The following ABLIM2 variants were observed in gnomAD, a reference collection of about 807,000 sequenced individuals.
ABLIM2 encodes actin binding LIM protein family member 2.
ABLIM2 carries 53 observed loss-of-function variants against 97.7 expected under a neutral mutation model. The observed-to-expected ratio is 0.54, with a 90% confidence interval of 0.44 to 0.68. The LOEUF (loss-of-function observed/expected upper bound fraction) is 0.68. Among genes scored for constraint, ABLIM2 ranks in the 30% least tolerant of loss-of-function variants. ABLIM2 has a pLI of 0.00. For missense variants in ABLIM2, 835 were observed against 867.2 expected (o/e 0.96, Z 0.47); for synonymous variants, 361 against 345.8 (o/e 1.04, Z -0.49).
intron 20 of ABLIM2, among the ~76,000 whole-genome samples, chr4:7,977,790 C>CAATAAATA (rs10660218): frequency 0.28 from 40,099 of 141,636 alleles, 6,402 homozygotes; most frequent in Non-Finnish European, 0.35. Context: ...GACTCTGTCT[C>CAATAAATA]AATAAATAAA....
In ABLIM2 at chr4:8,071,165, G is replaced by C. The variant is rs1407674984; in HGVS notation, c.675+6463C>G. Among the ~76,000 whole-genome samples, 2 of 106,522 alleles carry C rather than the reference G, an allele frequency of 1.9e-5. No individual in the cohort carries two copies. Among genetic ancestry groups the C allele is most frequent in the Non-Finnish European group, 3.8e-5 (2 of 52,770 alleles). 69.9% of individuals were successfully genotyped at this position (106,522 alleles called of 152,430 possible). On this transcript the variant is annotated intron_variant, in intron 6 of 20. Coordinates refer to ENST00000447017, the MANE Select transcript of ABLIM2 (RefSeq NM_001130083.2). This position sits in a 1 kb window ranked among gnomAD's most constrained non-coding sequence, Gnocchi z 6.2. ...CTGAGTCCCAGCTCCCTCTGTGGGG[G>C]CAGCGCCATCCGTCCCCAGCAGCTG...
intron 19 of ABLIM2, 51 bp from the exon 20 acceptor site, chr4:7,983,395 G>C: frequency 6.3e-7 from 1 of 1,590,628 alleles, no homozygotes; most frequent in Non-Finnish European, 8.6e-7. Flanking sequence ...GTGTATGCTG[G>C]CACCAAAGAA....
In ABLIM2 at chr4:7,986,579, C is replaced by T. The variant is rs1245293323; in HGVS notation, c.1681-1686G>A. 2.0e-5 allele frequency among the ~76,000 whole-genome samples: 3 copies of T among 152,270 alleles called. No individual in the cohort carries two copies. Among genetic ancestry groups the T allele is most frequent in the East Asian group, 1.9e-4 (1 of 5,176 alleles). On this transcript the variant is annotated intron_variant, in intron 17 of 20. Coordinates refer to ENST00000447017, the MANE Select transcript of ABLIM2 (RefSeq NM_001130083.2). The surrounding 1 kb of genome is among the most constrained non-coding windows in gnomAD (Gnocchi z 4.3). ...CATTTTCTTCTTTAGTGCCTTGCTCCCTCACTCTAGTTCTGGGCCTGGACC... is the reference window on the plus strand; with the variant it reads ...CATTTTCTTCTTTAGTGCCTTGCTCTCTCACTCTAGTTCTGGGCCTGGACC...
chr4:8,158,061 C>A (rs944554102), intron 1 of ABLIM2, among the ~76,000 whole-genome samples: 1 of 152,250 alleles, frequency 6.6e-6, no homozygotes, highest in Admixed American at 6.5e-5. Flanking sequence ...TGTCAGATCC[C>A]GGAGGGTGGG....
rs573243009 is a variant in ABLIM2 at position 8,036,913 on chromosome 4, G to A, written c.901-618C>T. 3.3e-3 allele frequency among the ~76,000 whole-genome samples: 498 copies of A among 151,710 alleles called. 1 individual carries two copies. The highest frequency in any genetic ancestry group is 5.6e-3 in the Non-Finnish European group (378 of 67,878). On this transcript the variant is annotated intron_variant, in intron 9 of 20. Transcript: ENST00000447017. ...ACACGCATCCCTTACTATTCATGTG[G>A]GATTGGCCCCAGGACCCTCCTCAAA...
intron 1 of ABLIM2, among the ~76,000 whole-genome samples, chr4:8,109,160 AG>A (rs1839063561): frequency 6.6e-6 from 1 of 152,182 alleles, no homozygotes; most frequent in Non-Finnish European, 1.5e-5. Flanking sequence ...CGGAACTCCC[AG>A]CCCCCTCTTC....
chr4:8,008,437 G>A (rs1244732623), intron 15 of ABLIM2, among the ~76,000 whole-genome samples: 2 of 152,182 alleles, frequency 1.3e-5, no homozygotes, highest in Non-Finnish European at 2.9e-5. Flanking sequence ...CCCATCTTAC[G>A]GACACAGCCA....
At position 8,112,963 on chromosome 4, in the gene ABLIM2, C is replaced by T. The variant is rs1322811887; in HGVS notation, c.11-6326G>A. The stretch of plus-strand genomic sequence containing the variant: ...GGTGTGCCATTCAGCACCACACCAG[C>T]GTGACAGGCACAGGAAGAGGGACAT... On this transcript the variant is annotated intron_variant, in intron 1 of 20. Coordinates refer to ENST00000447017, the MANE Select transcript of ABLIM2 (RefSeq NM_001130083.2). This position sits in a 1 kb window ranked among gnomAD's most constrained non-coding sequence, Gnocchi z 4.2. Among the ~76,000 whole-genome samples the T allele has an allele frequency of 1.3e-5, 2 of 152,158 alleles. No homozygotes were observed. The highest frequency in any genetic ancestry group is 6.5e-5 in the Admixed American group (1 of 15,286).
chr4:8,137,737 C>G (rs1315865841), intron 1 of ABLIM2, among the ~76,000 whole-genome samples: 8 of 152,206 alleles, frequency 5.3e-5, no homozygotes, highest in Non-Finnish European at 1.2e-4. Flanking sequence ...AATGGTGCAG[C>G]CACTGTGGAA....
intron 14 of ABLIM2, among the ~76,000 whole-genome samples, chr4:8,013,681 C>A (rs1766652207): frequency 6.6e-6 from 1 of 152,368 alleles, no homozygotes; most frequent in South Asian, 2.1e-4. Flanking sequence ...GCCACTTTGT[C>A]CTCCACGTCA....
chr4:8,133,546 TG>T (rs1457310505), intron 1 of ABLIM2, among the ~76,000 whole-genome samples: 1 of 152,156 alleles, frequency 6.6e-6, no homozygotes, highest in Non-Finnish European at 1.5e-5. Flanking sequence ...GTGTCCTCTT[TG>T]GGGCGCACTA....
In ABLIM2 at chr4:8,069,608, T is replaced by C. The variant is rs867444168; in HGVS notation, c.675+8020A>G. On this transcript the variant is annotated intron_variant, in intron 6 of 20. Transcript: ENST00000447017. This position sits in a 1 kb window ranked among gnomAD's most constrained non-coding sequence, Gnocchi z 4.2. ...GTGTTTTGCCTGGTGTCTGTGTGGA[T>C]GTCTTTCCGTGTGTCTGTGTGTGCA... Among the ~76,000 whole-genome samples the C allele has an allele frequency of 6.6e-6, 1 of 151,990 alleles. No homozygotes were observed. Among genetic ancestry groups the C allele is most frequent in the Non-Finnish European group, 1.5e-5 (1 of 67,984 alleles).
intron 1 of ABLIM2, among the ~76,000 whole-genome samples, chr4:8,111,489 T>G (rs1344436258): frequency 6.6e-6 from 1 of 152,168 alleles, no homozygotes; most frequent in Non-Finnish European, 1.5e-5. Flanking sequence ...TAAGAATACA[T>G]CAACGTTGGT....
rs563723673 is a variant in ABLIM2 at position 8,086,309 on chromosome 4, A to G, written c.454+1860T>C. ...CAAAAAAAAAAAAAAAAAATCTCAG[A>G]CAGTGATTCTGTGGTTGGTCATATT... On this transcript the variant is annotated intron_variant, in intron 4 of 20. Coordinates refer to ENST00000447017, the MANE Select transcript of ABLIM2 (RefSeq NM_001130083.2). Among the ~76,000 whole-genome samples the G allele has an allele frequency of 2.1e-3, 312 of 148,680 alleles. 1 individual carries two copies. Among genetic ancestry groups the G allele is most frequent in the Middle Eastern group, 7.2e-3 (2 of 278 alleles).
At chr4:7,969,759 A>ACACACACACACACACACACACACACT (rs1560302131) in intron 20 of ABLIM2, among the ~76,000 whole-genome samples, 1 of 151,712 alleles carries the variant, frequency 6.6e-6, no homozygotes, top group Admixed American at 6.6e-5. Flanking sequence ...ACACACACAC[A>ACACACACACACACACACACACACACT]CACACACACA....
intron 5 of ABLIM2, among the ~76,000 whole-genome samples, chr4:8,078,294 C>A (rs1817600821): frequency 6.6e-6 from 1 of 152,206 alleles, no homozygotes. Context: ...TTCCGCAGTG[C>A]AGGAAAGAGC....
intron 4 of ABLIM2, 93 bp from the exon 5 acceptor site, chr4:8,080,895 G>A: frequency 1.3e-6 from 2 of 1,483,218 alleles, no homozygotes; most frequent in South Asian, 2.7e-5. Flanking sequence ...AGGCCCCTGG[G>A]GCAGCCGGGA....
At chr4:8,154,281 CT>C (rs34112937) in intron 1 of ABLIM2, among the ~76,000 whole-genome samples, 54,418 of 113,688 alleles carry the variant, frequency 0.48, 13,748 homozygotes, top group Non-Finnish European at 0.59. Flanking sequence ...CTTTTCTTTT[CT>C]TTTTTTTTTT....
intron 18 of ABLIM2, 132 bp from the exon 19 acceptor site, chr4:7,983,686 G>A (rs555848467): frequency 7.9e-6 from 9 of 1,136,134 alleles, no homozygotes; most frequent in African/African-American, 3.1e-5. Context: ...CATGGTCCCC[G>A]AGCAGCCTGC....
Sources: allele counts gnomAD v4.1 joint callset (sites outside exome capture counted in the v4.1 genomes callset), GRCh38; gene constraint gnomAD v4.1.1; non-coding constraint Gnocchi (gnomAD v3.1); transcripts MANE v1.5; gene names NCBI Gene and HGNC (gene_info 2026-07-23, HGNC 2026-07-21).